Variants in TBXAS1 observed in about 807,000 individuals in gnomAD.
TBXAS1 encodes the protein thromboxane-A synthase.
In TBXAS1, 48 loss-of-function variants were observed where a neutral mutation model predicts 60.7. The ratio of observed to expected loss-of-function variants is 0.79; its 90% CI spans 0.63 to 1.01. TBXAS1 has a LOEUF of 1.01. TBXAS1 is among the 50% of genes least tolerant of loss of function. The pLI is 0.00. For missense variants in TBXAS1, 685 were observed against 686.3 expected (o/e 1.00, Z 0.02); for synonymous variants, 287 against 269.7 (o/e 1.06, Z -0.63).
intron 9 of TBXAS1, among the ~76,000 whole-genome samples, chr7:139,964,446 C>T (rs1313096488): frequency 6.6e-6 from 1 of 152,150 alleles, no homozygotes; most frequent in African/African-American, 2.4e-5. Flanking sequence ...TAGGCTTACA[C>T]CAATCAGACT....
chr7:139,913,869 T>G (rs1431494434), intron 4 of TBXAS1: 1 of 152,662 alleles, frequency 6.6e-6, no homozygotes, highest in East Asian at 1.9e-4. Flanking sequence ...TGTCTCTCAC[T>G]GCTCCCCAAT....
chr7:139,934,035 C>T (rs1165119971), intron 4 of TBXAS1, among the ~76,000 whole-genome samples: 3 of 152,136 alleles, frequency 2.0e-5, no homozygotes, highest in Non-Finnish European at 4.4e-5. Flanking sequence ...TCCCACCTTG[C>T]CCCATTTTCC....
At chr7:139,941,052 G>A (rs1336543628) in intron 5 of TBXAS1, among the ~76,000 whole-genome samples, 2 of 152,178 alleles carry the variant, frequency 1.3e-5, no homozygotes, top group Non-Finnish European at 2.9e-5. Flanking sequence ...ACAGTGTTAG[G>A]AGATAGCTCA....
chr7:139,829,186 T>C (rs1344266651), upstream of TBXAS1: 2 of 683,812 alleles, frequency 2.9e-6, no homozygotes, highest in South Asian at 1.5e-5. Flanking sequence ...TCCTTTACAC[T>C]GAAACCCTTT....
intron 9 of TBXAS1, among the ~76,000 whole-genome samples, chr7:139,970,544 TC>T (rs1811124676): frequency 6.6e-6 from 1 of 152,244 alleles, no homozygotes; most frequent in South Asian, 2.1e-4. Context: ...AAGTATGTAT[TC>T]CTCATGACAT....
intron 5 of TBXAS1, among the ~76,000 whole-genome samples, chr7:139,942,920 G>A (rs1254131271): frequency 2.0e-5 from 3 of 152,176 alleles, no homozygotes; most frequent in Non-Finnish European, 2.9e-5. Context: ...CATGTTACTC[G>A]AGAATGACTA....
intron 3 of TBXAS1, among the ~76,000 whole-genome samples, chr7:139,900,993 G>A (rs574358781): frequency 6.6e-6 from 1 of 152,298 alleles, no homozygotes; most frequent in African/African-American, 2.4e-5. Flanking sequence ...GAGGGGCAGG[G>A]TTCTATCACT....
intron 9 of TBXAS1, among the ~76,000 whole-genome samples, chr7:139,990,313 G>A (rs1812795014): frequency 6.6e-6 from 1 of 152,240 alleles, no homozygotes; most frequent in Non-Finnish European, 1.5e-5. Context: ...ATTCGCCCCA[G>A]CGCAGCATTC....
intron 4 of TBXAS1, among the ~76,000 whole-genome samples, chr7:139,919,597 C>A (rs1806288303): frequency 6.6e-6 from 1 of 152,238 alleles, no homozygotes; most frequent in Admixed American, 6.5e-5. Flanking sequence ...CCTTTCATCC[C>A]TTTCTCCCGA....
rs1569518351 is a variant in TBXAS1 at position 139,951,898 on chromosome 7, GGAA to G, written c.451-1469_451-1467del. Among the ~76,000 whole-genome samples, 226 of 22,756 alleles carry G rather than the reference GGAA, an allele frequency of 9.9e-3. 17 individuals carry two copies. The highest frequency in any genetic ancestry group is 0.036 in the African/African-American group (216 of 6,052). The allele number at this position is 22,756 out of a possible 152,430, so 14.9% of individuals were successfully genotyped here. A position where few individuals can be genotyped will look rare whatever the true frequency, so the allele number is the denominator to read the frequency against. ...AGGAAGGAAAGAAGGAAGGAAGGAA[GGAA>G]AGAAAGAGAAAGAAAGAGAGAAAGA... is the stretch of plus-strand genomic sequence containing the variant. On this transcript the variant is annotated intron_variant, in intron 5 of 12. Transcript: ENST00000448866.
At chr7:139,931,868 T>C (rs943852951) in intron 4 of TBXAS1, among the ~76,000 whole-genome samples, 2 of 152,114 alleles carry the variant, frequency 1.3e-5, no homozygotes, top group Non-Finnish European at 2.9e-5. Context: ...TGAATATATG[T>C]GGACAAGCAG....
chr7:139,827,116 C>G (rs905489877), upstream of TBXAS1, among the ~76,000 whole-genome samples: 31 of 152,198 alleles, frequency 2.0e-4, no homozygotes, highest in African/African-American at 7.2e-4. Context: ...AGCCAAGCAT[C>G]CCTTCTCTCT....
In TBXAS1 at chr7:139,992,451, G is replaced by A. The variant is rs75454688; in HGVS notation, c.1135-14640G>A. Reference sequence around the variant, plus strand: ...CTTGGGTCCAAAGGCCCACACTAGCGGGGAAGCTCGCGGAGCCATGTCTCT... The same window carrying A: ...CTTGGGTCCAAAGGCCCACACTAGCAGGGAAGCTCGCGGAGCCATGTCTCT... On this transcript the variant is annotated intron_variant, in intron 9 of 12. Transcript: ENST00000448866. Among the ~76,000 whole-genome samples the A allele has an allele frequency of 1.8e-4, 28 of 152,352 alleles. 1 individual carries two copies. In the East Asian group the frequency reaches 4.6e-3, roughly 25 times the overall value.
intron 4 of TBXAS1, among the ~76,000 whole-genome samples, chr7:139,924,199 GT>G (rs988046452): frequency 1.3e-5 from 2 of 152,062 alleles, no homozygotes; most frequent in Admixed American, 6.6e-5. Flanking sequence ...TCTATTTTTA[GT>G]TTTTTTAGTT....
chr7:139,895,746 G>A (rs1468617370), intron 3 of TBXAS1, among the ~76,000 whole-genome samples: 1 of 152,220 alleles, frequency 6.6e-6, no homozygotes, highest in African/African-American at 2.4e-5. Context: ...GAAGTGGGAG[G>A]TGATCTGAGG....
intron 10 of TBXAS1, among the ~76,000 whole-genome samples, chr7:140,012,203 A>C (rs1157413349): frequency 6.6e-6 from 1 of 152,178 alleles, no homozygotes; most frequent in African/African-American, 2.4e-5. Flanking sequence ...CTGGGATAGG[A>C]AATGGCCTGA....
chr7:139,984,793 G>A (rs536181263), intron 9 of TBXAS1, among the ~76,000 whole-genome samples: 2 of 134,786 alleles, frequency 1.5e-5, no homozygotes, highest in African/African-American at 5.5e-5. Flanking sequence ...AAGAAAGAAA[G>A]AAAGGGAAGG....
chr7:139,864,782 C>G (rs1801227322), intron 1 of TBXAS1, among the ~76,000 whole-genome samples: 1 of 152,162 alleles, frequency 6.6e-6, no homozygotes, highest in South Asian at 2.1e-4. Context: ...GGCACAACAT[C>G]CCTTTGCTAA....
intron 5 of TBXAS1, chr7:139,952,751 G>T (rs1412093512): frequency 3.4e-6 from 5 of 1,454,170 alleles, no homozygotes; most frequent in Non-Finnish European, 4.5e-6. Context: ...CCCAACAATT[G>T]CCCCATGTGG....
Sources: gnomAD v4.1 joint callset for allele counts (sites outside exome capture counted in the v4.1 genomes callset) on GRCh38, gnomAD v4.1.1 for gene constraint, MANE v1.5 for transcripts, NCBI Gene and HGNC (gene_info 2026-07-23, HGNC 2026-07-21) for gene names.